The following SMOC1 variants were observed in gnomAD, a reference collection of about 807,000 sequenced individuals.
The protein encoded by SMOC1 is SPARC-related modular calcium-binding protein 1.
Under a neutral mutation model 56.3 loss-of-function variants are expected in SMOC1, and 22 were observed. That is an observed-to-expected ratio of 0.39 (90% CI 0.28 to 0.56). The LOEUF (loss-of-function observed/expected upper bound fraction) is 0.56, where lower values mean the gene tolerates loss of function less well. Among genes scored for constraint, SMOC1 ranks in the 20% least tolerant of loss-of-function variants. The probability of loss-of-function intolerance (pLI) is 0.61; values close to 1 mark genes in which losing one functional copy is unlikely to be tolerated. For synonymous variants in SMOC1, 193 were observed against 215.0 expected (o/e 0.90, Z 0.89); for missense variants, 509 against 565.4 (o/e 0.90, Z 1.01).
chr14:69,956,867 C>T (rs368010343), intron 3 of SMOC1, among the ~76,000 whole-genome samples: 1 of 152,150 alleles, frequency 6.6e-6, no homozygotes, highest in East Asian at 1.9e-4. Context: ...GGCCATATCC[C>T]AGACCATTAA....
Position 69,985,974 on chromosome 14 carries a change from C to T in SMOC1, c.527-6443C>T, listed in dbSNP as rs1431585175. Among the ~76,000 whole-genome samples, 9 of 152,112 alleles carry T rather than the reference C, an allele frequency of 5.9e-5. No individual in the cohort carries two copies. The South Asian group carries it at 1.2e-3, about 21-fold the overall frequency. On this transcript the variant is annotated intron_variant, in intron 5 of 11. Coordinates refer to ENST00000361956, the MANE Select transcript of SMOC1 (RefSeq NM_001034852.3). The stretch of plus-strand genomic sequence containing the variant: ...AGGATGTATAGGGTTCGGTTCTATC[C>T]GCGGTTGAAGGCATCCACTGGGGGT...
At chr14:69,906,400 G>A (rs1884409196) in intron 1 of SMOC1, among the ~76,000 whole-genome samples, 1 of 151,828 alleles carries the variant, frequency 6.6e-6, no homozygotes, top group South Asian at 2.1e-4. Context: ...TAGGTCGTCT[G>A]GCCAACAGCC....
rs1223331837 is a variant in SMOC1, at chr14:70,021,861, G to T, written c.1047-1342G>T. ...AACTCAGCAAACCCCAGAGAAGTCA[G>T]GGTGGCATGACAAGTGCCTTGAATA... On this transcript the variant is annotated intron_variant, in intron 10 of 11. Transcript: ENST00000361956. Among the ~76,000 whole-genome samples, 3 of 152,316 alleles carry T rather than the reference G, an allele frequency of 2.0e-5. No homozygotes were observed. The East Asian group carries it at 5.8e-4, about 29-fold the overall frequency.
rs140867280 is a variant in SMOC1 at position 69,936,469 on chromosome 14, G to A, written c.100-15669G>A. 3.6e-3 allele frequency among the ~76,000 whole-genome samples: 546 copies of A among 152,378 alleles called. 3 individuals carry two copies. Among genetic ancestry groups the A allele is most frequent in the African/African-American group, 0.013 (526 of 41,592 alleles). On this transcript the variant is annotated intron_variant, in intron 1 of 11. Coordinates refer to ENST00000361956, the MANE Select transcript of SMOC1 (RefSeq NM_001034852.3). ...GTTGTTCTGTGCTGAACTGAGAACC[G>A]TAGGTGTGACACAGAGGAACAAGTA...
chr14:69,881,550 T>C (rs1286478860), intron 1 of SMOC1, among the ~76,000 whole-genome samples: 1 of 152,156 alleles, frequency 6.6e-6, no homozygotes, highest in Non-Finnish European at 1.5e-5. Context: ...ATTAATTTGA[T>C]AGAAGTGATG....
At chr14:69,968,959 C>T (rs535587441) in intron 3 of SMOC1, among the ~76,000 whole-genome samples, 1 of 152,246 alleles carries the variant, frequency 6.6e-6, no homozygotes, top group South Asian at 2.1e-4. Flanking sequence ...CCCAGTTGTC[C>T]TTGAAGTTCT....
At chr14:69,886,017 C>G in intron 1 of SMOC1, 1 of 1,584,926 alleles carries the variant, frequency 6.3e-7, no homozygotes, top group Non-Finnish European at 8.6e-7. Flanking sequence ...ATGTCCTGTC[C>G]AATGCCAAAA....
At chr14:69,970,599 G>A (rs1042498366) in intron 3 of SMOC1, among the ~76,000 whole-genome samples, 1 of 152,208 alleles carries the variant, frequency 6.6e-6, no homozygotes, top group Non-Finnish European at 1.5e-5. Flanking sequence ...TGACTGAGAA[G>A]CCATCATGAA....
chr14:69,934,733 G>A (rs1017585380), intron 1 of SMOC1, among the ~76,000 whole-genome samples: 1 of 152,184 alleles, frequency 6.6e-6, no homozygotes, highest in Non-Finnish European at 1.5e-5. Flanking sequence ...GAGCCTTTAC[G>A]TAGTCCAAGG....
At chr14:69,926,406 A>G (rs888948933) in intron 1 of SMOC1, among the ~76,000 whole-genome samples, 1 of 152,210 alleles carries the variant, frequency 6.6e-6, no homozygotes, top group Non-Finnish European at 1.5e-5. Context: ...GGGTTAGGCC[A>G]TGGGGCGGGA....
At chr14:69,910,025 A>C (rs1350097173) in intron 1 of SMOC1, among the ~76,000 whole-genome samples, 1 of 152,226 alleles carries the variant, frequency 6.6e-6, no homozygotes. Flanking sequence ...TCCTGGCGAC[A>C]GATCATCTGC....
intron 10 of SMOC1, among the ~76,000 whole-genome samples, chr14:70,020,608 G>A (rs1314292258): frequency 6.6e-6 from 1 of 152,178 alleles, no homozygotes; most frequent in Non-Finnish European, 1.5e-5. Context: ...TCCTGAGGAA[G>A]TGAATGCTGC....
chr14:69,936,915 A>G (rs1174465715), intron 1 of SMOC1, among the ~76,000 whole-genome samples: 1 of 152,140 alleles, frequency 6.6e-6, no homozygotes, highest in Admixed American at 6.5e-5. Context: ...ACTTACATAT[A>G]TACACACATA....
rs185659108 is a variant in SMOC1 at position 69,890,672 on chromosome 14, A to G, written c.99+10895A>G. Among the ~76,000 whole-genome samples, 335 of 152,324 alleles carry G rather than the reference A, an allele frequency of 2.2e-3. 5 individuals carry two copies. Among genetic ancestry groups the G allele is most frequent in the Admixed American group, 0.015 (236 of 15,302 alleles). On this transcript the variant is annotated intron_variant, in intron 1 of 11. Coordinates refer to ENST00000361956, the MANE Select transcript of SMOC1 (RefSeq NM_001034852.3). ...GTTGGGCTAACTTTTAGGGCTAGTAACTATTAGTGCCAGGACTGCTCATTT... is the reference window on the plus strand; with the variant it reads ...GTTGGGCTAACTTTTAGGGCTAGTAGCTATTAGTGCCAGGACTGCTCATTT...
chr14:69,885,405 A>G, intron 1 of SMOC1: 2 of 1,600,694 alleles, frequency 1.2e-6, no homozygotes, highest in African/African-American at 1.3e-5. Context: ...CGAGCCACAG[A>G]CTTAGGACCC....
chr14:69,981,262 C>T (rs1446664563), intron 5 of SMOC1, among the ~76,000 whole-genome samples: 1 of 152,080 alleles, frequency 6.6e-6, no homozygotes, highest in Non-Finnish European at 1.5e-5. Context: ...TACCCAGATG[C>T]ACGTGCTCCA....
At chr14:69,959,450 G>T (rs971061856) in intron 3 of SMOC1, among the ~76,000 whole-genome samples, 5 of 152,058 alleles carry the variant, frequency 3.3e-5, no homozygotes, top group Admixed American at 6.6e-5. Context: ...ACAGATTATA[G>T]TTCTAATAAT....
chr14:69,928,865 C>T (rs1594807258), intron 1 of SMOC1, among the ~76,000 whole-genome samples: 1 of 152,290 alleles, frequency 6.6e-6, no homozygotes, highest in South Asian at 2.1e-4. Flanking sequence ...TTATTTTCTA[C>T]ACTTGTCATA....
rs145015836 is a variant in SMOC1, at chr14:69,957,396, G to A, written c.378+3864G>A. ...TATAAAGAAAAATTGAGTTTCAGTG[G>A]GGTTGAATAGCTGACTTGAGGTCCC... On this transcript the variant is annotated intron_variant, in intron 3 of 11. Transcript: ENST00000361956. Among the ~76,000 whole-genome samples, 134 of 152,240 alleles carry A rather than the reference G, an allele frequency of 8.8e-4. 1 individual carries two copies. Among genetic ancestry groups the A allele is most frequent in the African/African-American group, 2.9e-3 (120 of 41,532 alleles).
Sources: gnomAD v4.1 joint callset for allele counts (sites outside exome capture counted in the v4.1 genomes callset) on GRCh38, gnomAD v4.1.1 for gene constraint, MANE v1.5 for transcripts, NCBI Gene and HGNC (gene_info 2026-07-23, HGNC 2026-07-21) for gene names.